TRIM55: variants seen among roughly 807,000 people sequenced by gnomAD.
TRIM55 encodes the protein tripartite motif containing 55.
TRIM55 carries 50 observed loss-of-function variants against 60.9 expected under a neutral mutation model. The ratio of observed to expected loss-of-function variants is 0.82; its 90% CI spans 0.65 to 1.04. The LOEUF (loss-of-function observed/expected upper bound fraction) is 1.04. TRIM55 is among the 50% of genes least tolerant of loss of function. The probability of loss-of-function intolerance (pLI) is 0.00; values close to 1 mark genes in which losing one functional copy is unlikely to be tolerated. For missense variants in TRIM55, 681 were observed against 666.9 expected, an observed-to-expected ratio of 1.02 and a Z score of -0.23; for synonymous variants, 237 against 238.1, an observed-to-expected ratio of 1.00 and a Z score of 0.04.
intron 4 of TRIM55, among the ~76,000 whole-genome samples, chr8:66,137,428 C>T (rs1240176772): frequency 3.9e-5 from 6 of 152,170 alleles, no homozygotes; most frequent in African/African-American, 1.4e-4. Flanking sequence ...ATGTGTTGTT[C>T]TTTCTTCCTT....
intron 2 of TRIM55, among the ~76,000 whole-genome samples, chr8:66,130,861 C>T (rs944894664): frequency 1.3e-5 from 2 of 151,672 alleles, no homozygotes; most frequent in Non-Finnish European, 2.9e-5. Context: ...TGGGGTTTCA[C>T]CGTGTTAGCC....
intron 9 of TRIM55, 124 bp downstream of exon 9, chr8:66,154,458 T>A: frequency 1.9e-6 from 2 of 1,029,792 alleles, no homozygotes; most frequent in Non-Finnish European, 2.8e-6. Flanking sequence ...AGGGGAAAAG[T>A]ACAGAAACAA....
chr8:66,160,356 GGT>G lies in TRIM55; in HGVS notation c.1524+6051_1524+6052del, dbSNP rs35422649. Among the ~76,000 whole-genome samples the G allele has an allele frequency of 1.7e-3, 242 of 145,482 alleles. 1 individual carries two copies. Among genetic ancestry groups the G allele is most frequent in the East Asian group, 3.4e-3 (17 of 5,016 alleles). ...TTTTTATGGCTGAGTAGTATTCCAT[GGT>G]GTGTGTGTGTGTGTGTGTGTGTGTG... On this transcript the variant is annotated intron_variant, in intron 9 of 9. Coordinates refer to ENST00000315962, the MANE Select transcript of TRIM55 (RefSeq NM_184085.2).
rs373893981 is a variant in TRIM55, at chr8:66,160,578, A to C, written c.1524+6244A>C. Reference sequence around the variant, plus strand: ...TGGATCAAATGGTAGATCTACTTTTAGTTCTTTAAGGAATCTCCAAACTGT... The same window carrying C: ...TGGATCAAATGGTAGATCTACTTTTCGTTCTTTAAGGAATCTCCAAACTGT... On this transcript the variant is annotated intron_variant, in intron 9 of 9. Transcript: ENST00000315962. Among the ~76,000 whole-genome samples, 48 of 152,234 alleles carry C rather than the reference A, an allele frequency of 3.2e-4. 1 individual carries two copies. The highest frequency in any genetic ancestry group is 1.1e-3 in the African/African-American group (46 of 41,536).
upstream of TRIM55, among the ~76,000 whole-genome samples, chr8:66,125,657 C>T (rs1043423074): frequency 6.6e-5 from 10 of 152,312 alleles, no homozygotes; most frequent in African/African-American, 2.4e-4. Flanking sequence ...TACCAGTTCC[C>T]GTCCTCCCTG....
upstream of TRIM55, among the ~76,000 whole-genome samples, chr8:66,126,490 T>G (rs1019056371): frequency 6.6e-6 from 1 of 152,208 alleles, no homozygotes; most frequent in African/African-American, 2.4e-5. Flanking sequence ...CTCAAATAAT[T>G]AGATCATCCA....
At position 66,127,431 on chromosome 8, in the gene TRIM55, T is replaced by A; in HGVS notation, c.163T>A (p.Phe55Ile). The A allele has an allele frequency of 6.2e-7, 1 of 1,614,062 alleles. No individual in the cohort carries two copies. Among genetic ancestry groups the A allele is most frequent in the South Asian group, 1.1e-5 (1 of 91,050 alleles). Residue 55 changes from phenylalanine to isoleucine, a missense_variant, in exon 1 of 10, where the codon TTC becomes ATC. Transcript: ENST00000315962. ...GTGTAGGAAATGTGCCAGTGATATT[T>A]TCCAGGTAGGTTTGTTTGGAATTTG... ...NLCRKCASDI[F>I]QASNPYLPTR...
upstream of TRIM55, among the ~76,000 whole-genome samples, chr8:66,122,348 C>T (rs2128970585): frequency 6.6e-6 from 1 of 152,274 alleles, no homozygotes; most frequent in East Asian, 1.9e-4. Context: ...TGGAATCCCC[C>T]TCCCCGCTTC....
At position 66,174,650 on chromosome 8, in the gene TRIM55, G is replaced by A; in HGVS notation, c.*57G>A. 7 of 1,489,710 alleles carry A rather than the reference G, an allele frequency of 4.7e-6. No individual in the cohort carries two copies. The highest frequency in any genetic ancestry group is 6.2e-6 in the Non-Finnish European group (7 of 1,122,724). 92.3% of individuals were successfully genotyped at this position (1,489,710 alleles called of 1,614,324 possible). A position where few individuals can be genotyped will look rare whatever the true frequency, so the allele number is the denominator to read the frequency against. ...CTGGCTGAGATGCATGTGGGCAGCA[G>A]GAAGCCCAAGTGAAATTAATATTAT... On this transcript the variant is annotated 3_prime_UTR_variant, in exon 10 of 10. Coordinates refer to ENST00000315962, the MANE Select transcript of TRIM55 (RefSeq NM_184085.2).
chr8:66,171,983 T>C (rs1489797167), intron 9 of TRIM55, among the ~76,000 whole-genome samples: 1 of 151,990 alleles, frequency 6.6e-6, no homozygotes, highest in Admixed American at 6.6e-5. Context: ...TGCTATTGTA[T>C]ATGGTTTGTC....
rs1198618483 is a variant in TRIM55 at position 66,171,253 on chromosome 8, C to T, written c.1525-3218C>T. ...CCCTCCTCCCACCCTCCACCCTCCA[C>T]CCTCCGAAAGGCCCCAGTGTGTGTT... On this transcript the variant is annotated intron_variant, in intron 9 of 9. Transcript: ENST00000315962. 3.3e-5 allele frequency among the ~76,000 whole-genome samples: 5 copies of T among 150,034 alleles called. No homozygotes were observed. The South Asian group carries it at 6.4e-4, about 19-fold the overall frequency.
At chr8:66,167,438 A>T (rs1180573685) in intron 9 of TRIM55, among the ~76,000 whole-genome samples, 1 of 152,212 alleles carries the variant, frequency 6.6e-6, no homozygotes, top group Non-Finnish European at 1.5e-5. Flanking sequence ...TCTGAGAAGA[A>T]GGCTGGCAGC....
In TRIM55 at chr8:66,152,537, G is replaced by A. The variant is rs933356201; in HGVS notation, c.1146G>A (p.Val382=). The A allele has an allele frequency of 1.9e-6, 3 of 1,614,054 alleles. No homozygotes were observed. Among genetic ancestry groups the A allele is most frequent in the Admixed American group, 3.3e-5 (2 of 60,002 alleles). The stretch of plus-strand genomic sequence containing the variant: ...AAAAAGCTTCAGAGCTCTCTCAGGT[G>A]GAGCTGCAGGCTGCCCCTGGGGCAC... The part of the protein sequence containing the change: ...NPEKASELSQ[V]ELQAAPGALP... Residue 382 remains valine, a synonymous_variant, in exon 8 of 10, where the codon GTG becomes GTA. Transcript: ENST00000315962.
intron 3 of TRIM55, 70 bp downstream of exon 3, chr8:66,135,225 G>C (rs1809414176): frequency 6.4e-7 from 1 of 1,552,714 alleles, no homozygotes; most frequent in Non-Finnish European, 8.9e-7. Flanking sequence ...CCTGGGGCCA[G>C]TGTGAGTGGC....
chr8:66,150,086 A>G (rs1586213463), intron 5 of TRIM55, 131 bp from the exon 6 acceptor site: 1 of 1,148,894 alleles, frequency 8.7e-7, no homozygotes, highest in African/African-American at 1.6e-5. Flanking sequence ...TTCTGTTATA[A>G]GACAGCAGTT....
intron 2 of TRIM55, among the ~76,000 whole-genome samples, chr8:66,133,070 C>T (rs553072477): frequency 8.5e-5 from 13 of 152,202 alleles, no homozygotes; most frequent in South Asian, 2.1e-4. Context: ...GAGATACCTA[C>T]GAGGGAAGGG....
intron 7 of TRIM55, 188 bp from the exon 8 acceptor site, chr8:66,152,189 A>G (rs926165176): frequency 4.2e-6 from 3 of 711,990 alleles, no homozygotes; most frequent in Non-Finnish European, 6.8e-6. Context: ...GTTCCTTCAC[A>G]TTTGTCCAGT....
At chr8:66,120,255 ACT>A in the TRIM55 span, among the ~76,000 whole-genome samples, 1 of 152,212 alleles carries the variant, frequency 6.6e-6, no homozygotes, top group South Asian at 2.1e-4. Flanking sequence ...TGAAAAACAC[ACT>A]GAGCTCTTAC....
At chr8:66,147,911 A>G (rs1810194078) in intron 4 of TRIM55, among the ~76,000 whole-genome samples, 1 of 152,174 alleles carries the variant, frequency 6.6e-6, no homozygotes, top group African/African-American at 2.4e-5. Context: ...CAAAAAAAAT[A>G]TACTTTGGAT....
Sources: gnomAD v4.1 joint callset for allele counts (sites outside exome capture counted in the v4.1 genomes callset) on GRCh38, gnomAD v4.1.1 for gene constraint, MANE v1.5 for transcripts, NCBI Gene and HGNC (gene_info 2026-07-23, HGNC 2026-07-21) for gene names.